The following SCTR variants were observed in gnomAD, a reference collection of about 807,000 sequenced individuals.
SCTR encodes secretin receptor, also known as pancreatic secretin receptor.
A neutral mutation model predicts 60.8 loss-of-function variants in SCTR; 56 were observed. The observed-to-expected ratio is 0.92, with a 90% CI of 0.74 to 1.15. The LOEUF is 1.15. Ranked by LOEUF, SCTR falls within the 50% of genes most tolerant of loss-of-function variation. The pLI is 0.00. For synonymous variants in SCTR, 202 were observed against 217.0 expected (o/e 0.93, Z 0.61); for missense variants, 562 against 550.4 (o/e 1.02, Z -0.21).
At position 119,494,416 on chromosome 2, in the gene SCTR, C is replaced by G. The variant is rs1363828796; in HGVS notation, c.193+12G>C. On this transcript the variant is annotated intron_variant, in intron 2 of 12. Transcript: ENST00000019103. ...CCCCAAGAGAGGACATGGGCTGTGG[C>G]AAGCCTCATACCTGGCACTGGCTGC... is the stretch of plus-strand genomic sequence containing the variant. 1 of 1,612,962 alleles carries G rather than the reference C, an allele frequency of 6.2e-7. No individual in the cohort carries two copies. The highest frequency in any genetic ancestry group is 8.5e-7 in the Non-Finnish European group (1 of 1,179,470).
At chr2:119,463,525 C>A (rs911635825) in intron 6 of SCTR, among the ~76,000 whole-genome samples, 1 of 152,140 alleles carries the variant, frequency 6.6e-6, no homozygotes, top group Non-Finnish European at 1.5e-5. Flanking sequence ...CATTGCACCA[C>A]CTCATCTGTG....
chr2:119,502,358 G>A (rs571962899), intron 1 of SCTR, among the ~76,000 whole-genome samples: 1 of 152,284 alleles, frequency 6.6e-6, no homozygotes, highest in African/African-American at 2.4e-5. Flanking sequence ...ACAACATAAT[G>A]CTGATAAAAG....
intron 6 of SCTR, among the ~76,000 whole-genome samples, chr2:119,462,750 TGCTGCAAAGACAAGCCCGAGAAGGAGGA>T (rs969457664): frequency 6.6e-6 from 1 of 152,224 alleles, no homozygotes; most frequent in Non-Finnish European, 1.5e-5. Flanking sequence ...GCCGTAGGGC[TGCTGCAAAGACAAGCCCGAGAAGGAGGA>T]GCGCCCGGTG....
rs542214944 is a variant in SCTR, at chr2:119,439,974, A to G, written c.*143T>C. 7.4e-5 allele frequency: 61 copies of G among 828,786 alleles called. No individual in the cohort carries two copies. The highest frequency in any genetic ancestry group is 1.1e-4 in the Non-Finnish European group (58 of 542,840). The allele number at this position is 828,786 out of a possible 1,614,324, so 51.3% of individuals were successfully genotyped here. A position where few individuals can be genotyped will look rare whatever the true frequency, so the allele number is the denominator to read the frequency against. On this transcript the variant is annotated 3_prime_UTR_variant, in exon 13 of 13. Coordinates refer to ENST00000019103, the MANE Select transcript of SCTR (RefSeq NM_002980.3). ...CCACAGTGCCTCACATCCCTTCGGAAGAGTCCAAGGCCTGGGGAGGGGCAT... is the reference window on the plus strand; with the variant it reads ...CCACAGTGCCTCACATCCCTTCGGAGGAGTCCAAGGCCTGGGGAGGGGCAT...
At chr2:119,467,740 A>G (rs1295210642) in intron 4 of SCTR, among the ~76,000 whole-genome samples, 3 of 152,218 alleles carry the variant, frequency 2.0e-5, no homozygotes, top group South Asian at 2.1e-4. Flanking sequence ...AGTTACATCA[A>G]TTATTTCAAA....
intron 3 of SCTR, among the ~76,000 whole-genome samples, chr2:119,477,651 A>AT (rs1677392452): frequency 6.6e-6 from 1 of 152,064 alleles, no homozygotes; most frequent in South Asian, 2.1e-4. Context: ...GGGTTTCACC[A>AT]TGTTGGCCAG....
intron 4 of SCTR, among the ~76,000 whole-genome samples, chr2:119,469,517 G>C (rs1676899328): frequency 6.6e-6 from 1 of 152,128 alleles, no homozygotes; most frequent in East Asian, 1.9e-4. Flanking sequence ...TTGAGACAGG[G>C]TCTCACTCTG....
At position 119,453,277 on chromosome 2, in the gene SCTR, G is replaced by A. The variant is rs10496558; in HGVS notation, c.851+10C>T. 4.7e-3 allele frequency: 7,534 copies of A among 1,596,678 alleles called. 239 individuals carry two copies. In the African/African-American group the frequency reaches 0.074, roughly 16 times the overall value. Reference sequence around the variant, plus strand: ...GATACATTCTTGTTATCCTCCTTCCGTTAGCTTACCCAACATCTTCCAGAA... The same window carrying A: ...GATACATTCTTGTTATCCTCCTTCCATTAGCTTACCCAACATCTTCCAGAA... On this transcript the variant is annotated intron_variant, in intron 8 of 12. Coordinates refer to ENST00000019103, the MANE Select transcript of SCTR (RefSeq NM_002980.3).
At chr2:119,487,919 AG>A (rs1433481797) in intron 2 of SCTR, among the ~76,000 whole-genome samples, 1 of 152,048 alleles carries the variant, frequency 6.6e-6, no homozygotes, top group Non-Finnish European at 1.5e-5. Context: ...CCCCCCACAC[AG>A]GTGTCAGGAT....
intron 1 of SCTR, among the ~76,000 whole-genome samples, chr2:119,501,659 G>A (rs114227054): frequency 0.013 from 1,903 of 152,236 alleles, 42 homozygotes; most frequent in African/African-American, 0.044. Flanking sequence ...ATAAATGTTT[G>A]AGGAGATAAA....
chr2:119,515,460 GGAGTTGGTA>G, intron 1 of SCTR, among the ~76,000 whole-genome samples: 1 of 152,344 alleles, frequency 6.6e-6, no homozygotes, highest in South Asian at 2.1e-4. Context: ...GATTGGCTCA[GGAGTTGGTA>G]GACTGAGTGA....
chr2:119,450,655 AT>A lies in SCTR; in HGVS notation c.921+1354del, dbSNP rs575277383. ...TATGTAGCTGGGAGAATGATGAATG[AT>A]TTTTTTTTTCCTTTTTAAAAAATAC... On this transcript the variant is annotated intron_variant, in intron 9 of 12. Transcript: ENST00000019103. Among the ~76,000 whole-genome samples the A allele has an allele frequency of 3.6e-4, 55 of 150,908 alleles. 1 individual carries two copies. The South Asian group carries it at 8.8e-3, about 24-fold the overall frequency.
intron 1 of SCTR, among the ~76,000 whole-genome samples, chr2:119,521,313 C>T (rs1679279841): frequency 6.6e-6 from 1 of 152,186 alleles, no homozygotes; most frequent in African/African-American, 2.4e-5. Context: ...TTTGTTGCTG[C>T]ATCAGCATGA....
chr2:119,521,659 G>A (rs868288205), intron 1 of SCTR, among the ~76,000 whole-genome samples: 9 of 152,108 alleles, frequency 5.9e-5, no homozygotes, highest in African/African-American at 1.9e-4. Flanking sequence ...TAGAGGGAGA[G>A]CGGTAATAAG....
At chr2:119,446,484 A>G (rs1383139634) in intron 11 of SCTR, among the ~76,000 whole-genome samples, 2 of 152,164 alleles carry the variant, frequency 1.3e-5, no homozygotes, top group Non-Finnish European at 2.9e-5. Flanking sequence ...TGTTATTGAG[A>G]GTTGTACAAT....
At position 119,470,803 on chromosome 2, in the gene SCTR, C is replaced by T. The variant is rs560656113; in HGVS notation, c.405+2650G>A. ...GCAACCTCTACCTCCCAAGTTCAAGCGACTCTTGTGCCTCAGCCTCCCAAG... is the reference window on the plus strand; with the variant it reads ...GCAACCTCTACCTCCCAAGTTCAAGTGACTCTTGTGCCTCAGCCTCCCAAG... On this transcript the variant is annotated intron_variant, in intron 4 of 12. Transcript: ENST00000019103. Among the ~76,000 whole-genome samples, 10 of 152,304 alleles carry T rather than the reference C, an allele frequency of 6.6e-5. No individual in the cohort carries two copies. The South Asian group carries it at 1.9e-3, about 28-fold the overall frequency.
intron 11 of SCTR, among the ~76,000 whole-genome samples, chr2:119,444,199 A>G (rs1296454979): frequency 6.1e-5 from 8 of 131,622 alleles, no homozygotes; most frequent in Non-Finnish European, 9.0e-5. Flanking sequence ...ATATACACAT[A>G]TGTATATATA....
intron 1 of SCTR, among the ~76,000 whole-genome samples, chr2:119,511,426 T>C (rs1338831444): frequency 6.6e-6 from 1 of 152,210 alleles, no homozygotes; most frequent in Non-Finnish European, 1.5e-5. Context: ...GGAAATATTG[T>C]TCGCTGCTGA....
chr2:119,494,513 T>C lies in SCTR; in HGVS notation c.108A>G (p.Gln36=). Residue 36 remains glutamine, a synonymous_variant, in exon 2 of 13, where the codon CAA becomes CAG. Coordinates refer to ENST00000019103, the MANE Select transcript of SCTR (RefSeq NM_002980.3). ...ACTGGTCTTGCTCTTCCCACAGCAC[T>C]TGTAGCACGTCACATAGTCGGGGAA... ...GALPRLCDVL[Q]VLWEEQDQCL... The C allele has an allele frequency of 6.2e-7, 1 of 1,614,078 alleles. No individual in the cohort carries two copies. Among genetic ancestry groups the C allele is most frequent in the Admixed American group, 1.7e-5 (1 of 60,018 alleles).
Sources: allele counts gnomAD v4.1 joint callset (sites outside exome capture counted in the v4.1 genomes callset), GRCh38; gene constraint gnomAD v4.1.1; transcripts MANE v1.5; gene names NCBI Gene and HGNC (gene_info 2026-07-23, HGNC 2026-07-21).